Variants in RPH3A observed in about 807,000 individuals in gnomAD.
The protein encoded by RPH3A is rabphilin-3A.
In RPH3A, 48 loss-of-function variants were observed where a neutral mutation model predicts 102.2. That is an observed-to-expected ratio of 0.47 (90% CI 0.37 to 0.60). The LOEUF (loss-of-function observed/expected upper bound fraction) is 0.60, where lower values mean the gene tolerates loss of function less well. Among genes scored for constraint, RPH3A ranks in the 20% least tolerant of loss-of-function variants. The pLI is 0.00. For synonymous variants in RPH3A, 310 were observed against 324.3 expected (o/e 0.96, Z 0.47); for missense variants, 781 against 910.1 (o/e 0.86, Z 1.83).
chr12:112,838,497 A>G (rs982035690), intron 4 of RPH3A, among the ~76,000 whole-genome samples: 1 of 152,196 alleles, frequency 6.6e-6, no homozygotes, highest in South Asian at 2.1e-4. Flanking sequence ...TTCAGGATTC[A>G]TTAAAATCCC....
chr12:112,621,521 A>T (rs1464066660), intron 1 of RPH3A, among the ~76,000 whole-genome samples: 2 of 146,532 alleles, frequency 1.4e-5, no homozygotes, highest in Admixed American at 6.7e-5. Flanking sequence ...ACGGCGCACC[A>T]CGAGACTATA....
rs2040245385 is a variant in RPH3A, at chr12:112,684,029, A to G, written c.-139-108114A>G. Among the ~76,000 whole-genome samples, 3 of 152,206 alleles carry G rather than the reference A, an allele frequency of 2.0e-5. No individual in the cohort carries two copies. The South Asian group carries it at 6.2e-4, about 32-fold the overall frequency. On this transcript the variant is annotated intron_variant, in intron 1 of 21. Transcript: ENST00000543106. ...TACATATGTGATTATATATGTATCT[A>G]TCTCTACATATAGATATATAGGCAT...
At chr12:112,719,224 A>G (rs1326352653) in intron 1 of RPH3A, among the ~76,000 whole-genome samples, 5 of 152,230 alleles carry the variant, frequency 3.3e-5, no homozygotes, top group Non-Finnish European at 7.3e-5. Flanking sequence ...AGTGTTTCTT[A>G]GGATTATCTC....
intron 1 of RPH3A, among the ~76,000 whole-genome samples, chr12:112,728,290 G>T (rs1002236992): frequency 1.3e-5 from 2 of 151,990 alleles, no homozygotes; most frequent in African/African-American, 4.8e-5. Context: ...CAATTTTGTG[G>T]GGCAAAGTTG....
chr12:112,877,184 C>A (rs2042817223), intron 13 of RPH3A, among the ~76,000 whole-genome samples: 1 of 152,078 alleles, frequency 6.6e-6, no homozygotes, highest in Non-Finnish European at 1.5e-5. Flanking sequence ...TCTACTAGCT[C>A]CTCAAGAGGT....
intron 3 of RPH3A, among the ~76,000 whole-genome samples, chr12:112,834,077 A>G (rs941657138): frequency 7.9e-5 from 12 of 152,196 alleles, no homozygotes; most frequent in Middle Eastern, 3.2e-3. Context: ...GATAATGGAC[A>G]TATCCATCCA....
intron 1 of RPH3A, among the ~76,000 whole-genome samples, chr12:112,678,303 A>AAGAAAGAGAGAGAGAGAGAGAGAGAGAG (rs1555283199): frequency 4.0e-5 from 2 of 50,134 alleles, no homozygotes; most frequent in Non-Finnish European, 8.9e-5. Flanking sequence ...GAAAGAAAGA[A>AAGAAAGAGAGAGAGAGAGAGAGAGAGAG]AGAGAGAGAG....
intron 2 of RPH3A, among the ~76,000 whole-genome samples, chr12:112,804,770 G>A (rs746071516): frequency 6.6e-6 from 1 of 152,214 alleles, no homozygotes; most frequent in Non-Finnish European, 1.5e-5. Context: ...TTCTTGTAAA[G>A]ATCAAATGGG....
At chr12:112,842,296 A>G (rs2042160382) in intron 4 of RPH3A, among the ~76,000 whole-genome samples, 1 of 152,236 alleles carries the variant, frequency 6.6e-6, no homozygotes, top group South Asian at 2.1e-4. Flanking sequence ...AAGAAAACAC[A>G]AGTTCAGCTT....
intron 14 of RPH3A, among the ~76,000 whole-genome samples, chr12:112,880,241 G>T (rs577854893): frequency 4.6e-4 from 70 of 152,066 alleles, no homozygotes; most frequent in African/African-American, 1.4e-3. Flanking sequence ...CATTTATTGG[G>T]CACCTAGAAT....
intron 1 of RPH3A, among the ~76,000 whole-genome samples, chr12:112,689,795 G>C (rs1189352135): frequency 6.6e-6 from 1 of 152,224 alleles, no homozygotes; most frequent in African/African-American, 2.4e-5. Context: ...AGAAGATGGA[G>C]AGAATGGATC....
chr12:112,873,709 C>T (rs2042744465), intron 10 of RPH3A, among the ~76,000 whole-genome samples: 1 of 152,240 alleles, frequency 6.6e-6, no homozygotes, highest in Non-Finnish European at 1.5e-5. Context: ...ACTACCTCAA[C>T]TGCAAAATGG....
In RPH3A at chr12:112,894,467, C is replaced by T. The variant is rs1434390944; in HGVS notation, c.1776-111C>T. 3.2e-6 allele frequency: 3 copies of T among 950,418 alleles called. No homozygotes were observed. In the Admixed American group the frequency reaches 7.5e-5, roughly 24 times the overall value. The allele number at this position is 950,418 out of a possible 1,614,324, so 58.9% of individuals were successfully genotyped here. A position where few individuals can be genotyped will look rare whatever the true frequency, so the allele number is the denominator to read the frequency against. ...TATTGGTCATTATCAATGTTGATCCCTTTCTGATTTATTCATCAATTCACC... is the reference window on the plus strand; with the variant it reads ...TATTGGTCATTATCAATGTTGATCCTTTTCTGATTTATTCATCAATTCACC... On this transcript the variant is annotated intron_variant, in intron 19 of 21. Coordinates refer to ENST00000389385, the MANE Select transcript of RPH3A (RefSeq NM_001143854.2).
At chr12:112,877,153 G>A (rs2136238505) in intron 13 of RPH3A, among the ~76,000 whole-genome samples, 1 of 152,188 alleles carries the variant, frequency 6.6e-6, no homozygotes, top group Non-Finnish European at 1.5e-5. Flanking sequence ...CGGTGGCATT[G>A]ACTACATTCT....
chr12:112,883,870 C>T (rs1593126666), intron 16 of RPH3A, among the ~76,000 whole-genome samples: 2 of 151,802 alleles, frequency 1.3e-5, no homozygotes, highest in Non-Finnish European at 2.9e-5. Flanking sequence ...TATATATATC[C>T]ACTTTTATTT....
chr12:112,707,216 C>G (rs1299474255), intron 1 of RPH3A, among the ~76,000 whole-genome samples: 1 of 152,114 alleles, frequency 6.6e-6, no homozygotes, highest in Non-Finnish European at 1.5e-5. Flanking sequence ...GGCTGGAATC[C>G]TATATTTGTC....
rs1339021288 is a variant in RPH3A, at chr12:112,890,869, C to T, written c.1641C>T (p.Asp547=). The part of the protein sequence containing the change: ...YEEEQVERVG[D]IEERGKILVS... ...TGCAGCAGGTGGAGCGTGTTGGTGA[C>T]ATCGAGGAGCGTGGCAAGATCCTGG... Residue 547 remains aspartate (D), a synonymous_variant, in exon 19 of 22, where the codon GAC becomes GAT. Coordinates refer to ENST00000389385, the MANE Select transcript of RPH3A (RefSeq NM_001143854.2). The T allele has an allele frequency of 1.2e-6, 2 of 1,613,930 alleles. No individual in the cohort carries two copies. The highest frequency in any genetic ancestry group is 2.2e-5 in the South Asian group (2 of 90,992).
intron 1 of RPH3A, among the ~76,000 whole-genome samples, chr12:112,663,451 C>A (rs1046388017): frequency 3.3e-5 from 5 of 152,042 alleles, no homozygotes; most frequent in African/African-American, 9.7e-5. Flanking sequence ...TGGACTCAAG[C>A]AATCCTCCCA....
intron 1 of RPH3A, among the ~76,000 whole-genome samples, chr12:112,585,228 G>C (rs934806494): frequency 1.3e-5 from 2 of 152,194 alleles, no homozygotes; most frequent in African/African-American, 4.8e-5. Flanking sequence ...CAGACTGAGG[G>C]TGGGTAGGCC....
Sources: gnomAD v4.1 joint callset for allele counts (sites outside exome capture counted in the v4.1 genomes callset) on GRCh38, gnomAD v4.1.1 for gene constraint, MANE v1.5 for transcripts, NCBI Gene and HGNC (gene_info 2026-07-23, HGNC 2026-07-21) for gene names.